Variants in PTPRN2 observed in about 807,000 individuals in gnomAD.
PTPRN2 encodes the protein protein tyrosine phosphatase receptor type N2.
In PTPRN2, 74 loss-of-function variants were observed where a neutral mutation model predicts 118.8. The ratio of observed to expected loss-of-function variants is 0.62; its 90% CI spans 0.52 to 0.76. The LOEUF (loss-of-function observed/expected upper bound fraction) is 0.76. PTPRN2 is among the 30% of genes least tolerant of loss of function. The pLI is 0.00. For missense variants in PTPRN2, 1,481 were observed against 1,394.4 expected (o/e 1.06, Z -0.99); for synonymous variants, 641 against 608.0 (o/e 1.05, Z -0.80).
At chr7:158,411,121 C>T (rs1161543633) in intron 2 of PTPRN2, among the ~76,000 whole-genome samples, 1 of 152,152 alleles carries the variant, frequency 6.6e-6, no homozygotes, top group East Asian at 1.9e-4. Context: ...GGAGGCCTCG[C>T]TCTTCCACCT....
rs1563067267 is a variant in PTPRN2, at chr7:158,270,784, C to CCTGGGCCG, written c.277+46034_277+46035insCGGCCCAG. On this transcript the variant is annotated intron_variant, in intron 3 of 22. Transcript: ENST00000389418. Reference sequence around the variant, plus strand: ...TGGACCACCCCGTCCACCTGGACCACCCCTCCACCTGGACCACCCCCTCAC... The same window carrying CCTGGGCCG: ...TGGACCACCCCGTCCACCTGGACCACCTGGGCCGCCCTCCACCTGGACCACCCCCTCAC... 1.9e-4 allele frequency among the ~76,000 whole-genome samples: 23 copies of CCTGGGCCG among 118,234 alleles called. 3 individuals are homozygous for CCTGGGCCG. The highest frequency in any genetic ancestry group is 3.2e-4 in the Admixed American group (4 of 12,400). 77.6% of individuals were successfully genotyped at this position (118,234 alleles called of 152,430 possible).
intron 19 of PTPRN2, among the ~76,000 whole-genome samples, chr7:157,572,163 A>T (rs915295719): frequency 5.3e-5 from 8 of 152,230 alleles, no homozygotes; most frequent in African/African-American, 1.9e-4. Flanking sequence ...ATCAAAACAG[A>T]GGACTGATTT....
At chr7:158,136,481 C>T (rs569979653) in intron 8 of PTPRN2, among the ~76,000 whole-genome samples, 174 bp downstream of exon 8, 1 of 152,294 alleles carries the variant, frequency 6.6e-6, no homozygotes, top group South Asian at 2.1e-4. Flanking sequence ...TCCAAATATA[C>T]ACACTTTTGT....
At chr7:158,200,783 A>G (rs1826584659) in intron 4 of PTPRN2, among the ~76,000 whole-genome samples, 1 of 152,182 alleles carries the variant, frequency 6.6e-6, no homozygotes, top group African/African-American at 2.4e-5. Context: ...AAAGTAGAAA[A>G]GCCTACCAAA....
chr7:157,712,522 G>C (rs554392883), intron 12 of PTPRN2, among the ~76,000 whole-genome samples: 4 of 152,054 alleles, frequency 2.6e-5, no homozygotes, highest in Admixed American at 2.6e-4. Context: ...AGGCTGAGGC[G>C]GGCGGATCAC....
chr7:158,184,983 C>T (rs1376887448), intron 5 of PTPRN2, among the ~76,000 whole-genome samples: 1 of 152,122 alleles, frequency 6.6e-6, no homozygotes, highest in Non-Finnish European at 1.5e-5. Flanking sequence ...TTGCCAAATG[C>T]TTTTTCCAGT....
intron 2 of PTPRN2, among the ~76,000 whole-genome samples, chr7:158,484,709 A>T (rs1270336098): frequency 6.6e-6 from 1 of 151,852 alleles, no homozygotes; most frequent in Non-Finnish European, 1.5e-5. Flanking sequence ...GACTTTTGTG[A>T]CTCGGTTTCT....
intron 12 of PTPRN2, among the ~76,000 whole-genome samples, chr7:157,748,614 T>C (rs112391619): frequency 0.013 from 1,518 of 118,988 alleles, 183 homozygotes; most frequent in Admixed American, 0.028. Flanking sequence ...CCCTGAGCTG[T>C]GGGCTGTTGA....
intron 3 of PTPRN2, among the ~76,000 whole-genome samples, chr7:158,245,701 G>C (rs1052233558): frequency 1.3e-5 from 2 of 152,152 alleles, no homozygotes; most frequent in Non-Finnish European, 2.9e-5. Flanking sequence ...AGGCCCCTCT[G>C]GCAGTTTCCC....
rs117853203 is a variant in PTPRN2, at chr7:158,400,285, T to A, written c.164-83353A>T. Among the ~76,000 whole-genome samples, 85 of 152,252 alleles carry A rather than the reference T, an allele frequency of 5.6e-4. 1 individual carries two copies. The East Asian group carries it at 0.015, about 27-fold the overall frequency. On this transcript the variant is annotated intron_variant, in intron 2 of 22. Coordinates refer to ENST00000389418, the MANE Select transcript of PTPRN2 (RefSeq NM_002847.5). ...AACCAAGCAGATGCGCTACCCTATGTGGACAGGGCAGTCGTCATGCACAGA... is the reference window on the plus strand; with the variant it reads ...AACCAAGCAGATGCGCTACCCTATGAGGACAGGGCAGTCGTCATGCACAGA...
intron 11 of PTPRN2, among the ~76,000 whole-genome samples, chr7:157,937,000 GA>G (rs1799750306): frequency 6.6e-6 from 1 of 152,182 alleles, no homozygotes; most frequent in Non-Finnish European, 1.5e-5. Context: ...TTCTCTTGTA[GA>G]ATGTCTTTCT....
intron 11 of PTPRN2, among the ~76,000 whole-genome samples, chr7:158,071,348 C>G (rs1351528849): frequency 4.5e-5 from 4 of 89,616 alleles, no homozygotes; most frequent in African/African-American, 1.8e-4. Flanking sequence ...TGGAGGTGCT[C>G]GTGGTGGTGG....
intron 12 of PTPRN2, among the ~76,000 whole-genome samples, chr7:157,778,224 C>T (rs368878341): frequency 2.0e-5 from 3 of 152,248 alleles, no homozygotes; most frequent in Admixed American, 6.5e-5. Flanking sequence ...CTCAGGCTGA[C>T]GACTAAACAT....
intron 2 of PTPRN2, among the ~76,000 whole-genome samples, chr7:158,372,862 C>A (rs192683991): frequency 3.0e-4 from 45 of 152,342 alleles, no homozygotes; most frequent in African/African-American, 1.1e-3. Flanking sequence ...GCAGAGTTCT[C>A]CAGGCTGTGA....
At chr7:158,384,245 T>C (rs369578016) in intron 2 of PTPRN2, among the ~76,000 whole-genome samples, 1 of 152,200 alleles carries the variant, frequency 6.6e-6, no homozygotes, top group Non-Finnish European at 1.5e-5. Flanking sequence ...AGGGCCTGCA[T>C]TGCCCATTAA....
At chr7:158,403,383 G>C (rs1813092490) in intron 2 of PTPRN2, among the ~76,000 whole-genome samples, 1 of 152,236 alleles carries the variant, frequency 6.6e-6, no homozygotes, top group African/African-American at 2.4e-5. Context: ...GGAGTGGCAA[G>C]GATTCCACCC....
chr7:158,181,018 A>T (rs1824657485), intron 5 of PTPRN2, among the ~76,000 whole-genome samples: 1 of 152,092 alleles, frequency 6.6e-6, no homozygotes, highest in African/African-American at 2.4e-5. Flanking sequence ...GTCTTCTTTC[A>T]GTTCGCAGGG....
intron 11 of PTPRN2, among the ~76,000 whole-genome samples, chr7:158,038,397 C>A (rs1304648778): frequency 6.6e-6 from 1 of 151,990 alleles, no homozygotes; most frequent in African/African-American, 2.4e-5. Flanking sequence ...AACAAAAATT[C>A]CTGACAGATT....
At chr7:157,746,326 AAGG>A (rs1800933303) in intron 12 of PTPRN2, among the ~76,000 whole-genome samples, 1 of 144,398 alleles carries the variant, frequency 6.9e-6, no homozygotes, top group African/African-American at 2.6e-5. Context: ...GGCCCTGAGC[AAGG>A]AGATCATGGG....
Sources: gnomAD v4.1 joint callset for allele counts (sites outside exome capture counted in the v4.1 genomes callset) on GRCh38, gnomAD v4.1.1 for gene constraint, MANE v1.5 for transcripts, NCBI Gene and HGNC (gene_info 2026-07-23, HGNC 2026-07-21) for gene names.